Variants in DOCK7 observed in about 807,000 individuals in gnomAD.
The protein encoded by DOCK7 is dedicator of cytokinesis protein 7.
In DOCK7, 138 loss-of-function variants were observed where a neutral mutation model predicts 271.0. The ratio of observed to expected loss-of-function variants is 0.51; its 90% confidence interval spans 0.44 to 0.59. DOCK7 has a LOEUF of 0.59. DOCK7 is among the 20% of genes least tolerant of loss of function. DOCK7 has a pLI of 0.00. For synonymous variants in DOCK7, 823 were observed against 876.1 expected (o/e 0.94, Z 1.07); for missense variants, 2,066 against 2,592.4 (o/e 0.80, Z 4.41).
intron 48 of DOCK7, among the ~76,000 whole-genome samples, chr1:62,459,614 A>T (rs1645453295): frequency 6.6e-6 from 1 of 152,318 alleles, no homozygotes; most frequent in South Asian, 2.1e-4. Flanking sequence ...TAAATTATTA[A>T]TAATCTGTTA....
chr1:62,457,493 G>A (rs1424425767), intron 49 of DOCK7, 45 bp downstream of exon 49: 1 of 1,572,528 alleles, frequency 6.4e-7, no homozygotes. Flanking sequence ...AACATGTTAG[G>A]TTTCAGAGGA....
intron 1 of DOCK7, among the ~76,000 whole-genome samples, chr1:62,686,542 C>T (rs77346467): frequency 1.4e-5 from 2 of 142,706 alleles, no homozygotes; most frequent in Admixed American, 7.0e-5. Context: ...AATTATTTTA[C>T]AAAAAAAAAA....
intron 31 of DOCK7, among the ~76,000 whole-genome samples, chr1:62,526,348 A>G (rs1645007164): frequency 6.6e-6 from 1 of 152,254 alleles, no homozygotes; most frequent in Admixed American, 6.5e-5. Context: ...AGGGAAATGC[A>G]AATCAAAACT....
rs145086916 is a variant in DOCK7, at chr1:62,604,159, G to A, written c.1682+14547C>T. ...CTGGCAATGTCCCCAATGCAATCCC[G>A]GAAAACAAAGATTTGGTGTTTTCTA... On this transcript the variant is annotated intron_variant, in intron 14 of 49. Coordinates refer to ENST00000635253, the MANE Select transcript of DOCK7 (RefSeq NM_001367561.1). 283 of 1,613,092 alleles carry A rather than the reference G, an allele frequency of 1.8e-4. 2 individuals carry two copies. The African/African-American group carries it at 2.9e-3, about 16-fold the overall frequency.
intron 18 of DOCK7, among the ~76,000 whole-genome samples, chr1:62,571,395 A>G (rs188155222): frequency 2.0e-5 from 3 of 152,298 alleles, no homozygotes; most frequent in African/African-American, 4.8e-5. Context: ...TATAAAGTCA[A>G]GAAACAACAG....
Position 62,538,063 on chromosome 1 carries a change from T to A in DOCK7, c.3301-2A>T. 7 of 1,612,348 alleles carry A rather than the reference T, an allele frequency of 4.3e-6. No homozygotes were observed. The highest frequency in any genetic ancestry group is 5.9e-6 in the Non-Finnish European group (7 of 1,179,076). ...TAATGAGTAAAGCTTTGAAGACACCTTGTAAGCAATGCATAAGTAAGAGAA... is the reference window on the plus strand; with the variant it reads ...TAATGAGTAAAGCTTTGAAGACACCATGTAAGCAATGCATAAGTAAGAGAA... On this transcript the variant is annotated splice_acceptor_variant, in intron 27 of 49. Coordinates refer to ENST00000635253, the MANE Select transcript of DOCK7 (RefSeq NM_001367561.1). LOFTEE classifies it high-confidence loss of function.
At chr1:62,685,780 T>A (rs1321088097) in intron 1 of DOCK7, among the ~76,000 whole-genome samples, 1 of 152,180 alleles carries the variant, frequency 6.6e-6, no homozygotes, top group African/African-American at 2.4e-5. Context: ...ACTGCCACCA[T>A]CATCCACGTG....
At chr1:62,669,558 A>G (rs1276486545) in intron 1 of DOCK7, among the ~76,000 whole-genome samples, 2 of 152,258 alleles carry the variant, frequency 1.3e-5, no homozygotes, top group Non-Finnish European at 2.9e-5. Context: ...TCAAGAAATT[A>G]CATGTTTTCA....
intron 49 of DOCK7, 104 bp from the exon 50 acceptor site, chr1:62,455,560 C>T (rs955930542): frequency 1.8e-6 from 2 of 1,086,134 alleles, no homozygotes; most frequent in South Asian, 1.4e-5. Context: ...TAAAGTTTTG[C>T]CACCATTTCT....
intron 14 of DOCK7, chr1:62,601,028 CCT>C (rs765532052): frequency 2.1e-5 from 22 of 1,039,030 alleles, no homozygotes; most frequent in Non-Finnish European, 2.9e-5. Flanking sequence ...TCAGATTTCC[CCT>C]AATTGTATAT....
intron 11 of DOCK7, among the ~76,000 whole-genome samples, 164 bp downstream of exon 11, chr1:62,631,076 T>G (rs1430478339): frequency 1.3e-5 from 2 of 151,868 alleles, no homozygotes; most frequent in Admixed American, 6.6e-5. Context: ...TCTCAGCTAC[T>G]CAGGAGGCTG....
chr1:62,642,212 G>A (rs545300265), intron 7 of DOCK7, among the ~76,000 whole-genome samples: 4 of 151,580 alleles, frequency 2.6e-5, no homozygotes, highest in East Asian at 1.9e-4. Context: ...GGGTTCAAGC[G>A]ATTCTCCTGC....
chr1:62,461,768 C>T (rs1645536325), intron 48 of DOCK7, among the ~76,000 whole-genome samples: 1 of 151,148 alleles, frequency 6.6e-6, no homozygotes, highest in African/African-American at 2.4e-5. Flanking sequence ...ACAGAAAACA[C>T]AATTTTGAAA....
At chr1:62,485,090 C>T (rs1219407712) in intron 43 of DOCK7, 9 of 928,936 alleles carry the variant, frequency 9.7e-6, no homozygotes, top group Non-Finnish European at 1.2e-5. Flanking sequence ...GAGCTGTGAT[C>T]GTGCCACTGC....
intron 22 of DOCK7, among the ~76,000 whole-genome samples, chr1:62,551,299 G>A (rs1557702600): frequency 6.7e-6 from 1 of 149,996 alleles, no homozygotes; most frequent in Admixed American, 6.7e-5. Context: ...AAGAAGAATT[G>A]TCTTGGGCCA....
chr1:62,631,365 TG>T lies in DOCK7; in HGVS notation c.1156del (p.Gln386SerfsTer20). On this transcript the variant is annotated frameshift_variant, in exon 11 of 50. Transcript: ENST00000635253. LOFTEE classifies it high-confidence loss of function. ...KLEKLKSQAD[Q>X]FCQRLGKYRM... The stretch of plus-strand genomic sequence containing the variant: ...ATATTTCCCAAGTCTTTGGCAAAAC[TG>T]ATCTGCTTGACTCTTCAGTTTCTCC... The T allele has an allele frequency of 6.2e-7, 1 of 1,612,216 alleles. No individual in the cohort carries two copies. The highest frequency in any genetic ancestry group is 1.1e-5 in the South Asian group (1 of 90,534).
intron 27 of DOCK7, 66 bp downstream of exon 27, chr1:62,539,479 A>C: frequency 7.4e-7 from 1 of 1,349,136 alleles, no homozygotes. Flanking sequence ...CTTAGCTCTA[A>C]CTTTGAAAAG....
intron 47 of DOCK7, 24 bp from the exon 48 acceptor site, chr1:62,474,112 T>C (rs1415213016): frequency 6.4e-7 from 1 of 1,574,502 alleles, no homozygotes; most frequent in Non-Finnish European, 8.7e-7. Flanking sequence ...AAATAAGAAG[T>C]GTGTTTTTTT....
Position 62,562,233 on chromosome 1 carries a change from C to CTTTTTTTTTTTT in DOCK7, c.2113-542_2113-531dup, listed in dbSNP as rs59893499. 1.9e-3 allele frequency among the ~76,000 whole-genome samples: 229 copies of CTTTTTTTTTTTT among 121,194 alleles called. 11 individuals are homozygous for CTTTTTTTTTTTT. The highest frequency in any genetic ancestry group is 2.3e-3 in the Admixed American group (25 of 10,676). 79.5% of individuals were successfully genotyped at this position (121,194 alleles called of 152,430 possible). ...GCCTGTTGGTTTAAGGATCCAAAAACTTTTTTTTTTTTTTTTGAAATAGAG... is the reference window on the plus strand; with the variant it reads ...GCCTGTTGGTTTAAGGATCCAAAAACTTTTTTTTTTTTTTTTTTTTTTTTTTTTGAAATAGAG... On this transcript the variant is annotated intron_variant, in intron 18 of 49. Coordinates refer to ENST00000635253, the MANE Select transcript of DOCK7 (RefSeq NM_001367561.1).
Sources: gnomAD v4.1 joint callset for allele counts (sites outside exome capture counted in the v4.1 genomes callset) on GRCh38, gnomAD v4.1.1 for gene constraint, MANE v1.5 for transcripts, NCBI Gene and HGNC (gene_info 2026-07-23, HGNC 2026-07-21) for gene names.